TPD52: variants seen among roughly 807,000 people sequenced by gnomAD.
The protein encoded by TPD52 is tumor protein D52.
In TPD52, 17 loss-of-function variants were observed where a neutral mutation model predicts 31.3. That is an observed-to-expected ratio of 0.54 (90% CI 0.37 to 0.82). TPD52 has a LOEUF of 0.82. Among genes scored for constraint, TPD52 ranks in the 40% least tolerant of loss-of-function variants. The probability of loss-of-function intolerance (pLI) is 0.00; values close to 1 mark genes in which losing one functional copy is unlikely to be tolerated. For missense variants in TPD52, 212 were observed against 240.1 expected (o/e 0.88, Z 0.77); for synonymous variants, 83 against 89.6 (o/e 0.93, Z 0.42).
rs141963548 is a variant in TPD52, at chr8:80,049,818, T to C, written c.413+627A>G. On this transcript the variant is annotated intron_variant, in intron 5 of 7. Coordinates refer to ENST00000518937, the MANE Select transcript of TPD52 (RefSeq NM_001025253.3). ...TTTAGCTTAATATTCTTTTCCCTTT[T>C]TCAAACCATGAAGTTGCCTTGTGTA... Among the ~76,000 whole-genome samples the C allele has an allele frequency of 2.5e-3, 374 of 152,290 alleles. 7 individuals carry two copies. The highest frequency in any genetic ancestry group is 8.6e-3 in the African/African-American group (358 of 41,574).
chr8:80,168,835 G>T (rs574427585), intron 1 of TPD52, among the ~76,000 whole-genome samples: 1 of 152,346 alleles, frequency 6.6e-6, no homozygotes, highest in East Asian at 1.9e-4. Context: ...GGTTACTATG[G>T]CTGGGGCCTG....
chr8:80,092,462 G>A (rs1353632646), intron 1 of TPD52, among the ~76,000 whole-genome samples: 1 of 152,160 alleles, frequency 6.6e-6, no homozygotes, highest in Non-Finnish European at 1.5e-5. Context: ...AGATGTCAAG[G>A]ATATTTGCAC....
chr8:80,100,000 C>A (rs1416032051), intron 1 of TPD52, among the ~76,000 whole-genome samples: 1 of 152,206 alleles, frequency 6.6e-6, no homozygotes, highest in East Asian at 1.9e-4. Flanking sequence ...TAGTTCCTTT[C>A]TGTGGATTTC....
At chr8:80,065,448 A>G (rs778598519) in intron 1 of TPD52, among the ~76,000 whole-genome samples, 31 of 152,160 alleles carry the variant, frequency 2.0e-4, no homozygotes, top group Middle Eastern at 3.4e-3. Context: ...GGAGCCTGTC[A>G]GGAAGAACAA....
At chr8:80,163,808 G>A (rs1351894798) in intron 1 of TPD52, among the ~76,000 whole-genome samples, 2 of 151,952 alleles carry the variant, frequency 1.3e-5, no homozygotes, top group Admixed American at 6.6e-5. Flanking sequence ...AGGAGAGAAA[G>A]AGTTAAATAA....
intron 1 of TPD52, among the ~76,000 whole-genome samples, chr8:80,160,310 G>A (rs1439734119): frequency 6.6e-6 from 1 of 152,116 alleles, no homozygotes; most frequent in Admixed American, 6.5e-5. Context: ...TGGGGAAGTC[G>A]TGATCATTCA....
At chr8:80,164,028 G>A (rs1811544138) in intron 1 of TPD52, among the ~76,000 whole-genome samples, 1 of 138,214 alleles carries the variant, frequency 7.2e-6, no homozygotes, top group Non-Finnish European at 1.6e-5. Flanking sequence ...GAGAGACAGA[G>A]AGAGAGAGAG....
chr8:80,152,343 T>C (rs1334647203), intron 1 of TPD52, among the ~76,000 whole-genome samples: 2 of 152,184 alleles, frequency 1.3e-5, no homozygotes, highest in African/African-American at 2.4e-5. Context: ...CAAACTCGAA[T>C]GGCAGCACCA....
At chr8:80,095,759 C>T (rs1755874065) in intron 1 of TPD52, among the ~76,000 whole-genome samples, 1 of 152,092 alleles carries the variant, frequency 6.6e-6, no homozygotes, top group South Asian at 2.1e-4. Context: ...TCCTGGCCAA[C>T]ATGGTGAAAC....
intron 1 of TPD52, among the ~76,000 whole-genome samples, chr8:80,098,912 T>C (rs1806524495): frequency 6.6e-6 from 1 of 152,158 alleles, no homozygotes; most frequent in Admixed American, 6.5e-5. Flanking sequence ...CCATTCTCAT[T>C]GAGGCAAGAC....
At chr8:80,146,383 G>T (rs1434793854) in intron 1 of TPD52, among the ~76,000 whole-genome samples, 1 of 152,192 alleles carries the variant, frequency 6.6e-6, no homozygotes, top group Non-Finnish European at 1.5e-5. Context: ...AGAAAAACTG[G>T]CTAGCAGCCC....
intron 1 of TPD52, among the ~76,000 whole-genome samples, chr8:80,084,538 C>T (rs1815583365): frequency 6.6e-6 from 1 of 152,226 alleles, no homozygotes; most frequent in African/African-American, 2.4e-5. Flanking sequence ...GAAACAGAAA[C>T]AGACAGGTAA....
rs1811155505 is a variant in TPD52 at position 80,049,389 on chromosome 8, A to T, written c.413+1056T>A. Among the ~76,000 whole-genome samples the T allele has an allele frequency of 2.0e-5, 3 of 152,228 alleles. 1 individual carries two copies. In the South Asian group the frequency reaches 6.2e-4, roughly 31 times the overall value. On this transcript the variant is annotated intron_variant, in intron 5 of 7. Coordinates refer to ENST00000518937, the MANE Select transcript of TPD52 (RefSeq NM_001025253.3). Reference sequence around the variant, plus strand: ...CACTTTTTAACTGAATGCCAACGATACACAATCACCTATCATTGGTTACTT... The same window carrying T: ...CACTTTTTAACTGAATGCCAACGATTCACAATCACCTATCATTGGTTACTT...
intron 1 of TPD52, among the ~76,000 whole-genome samples, chr8:80,087,497 C>T (rs1815902063): frequency 6.6e-6 from 1 of 152,126 alleles, no homozygotes; most frequent in South Asian, 2.1e-4. Context: ...AAAAAACAAA[C>T]AAACAAAAAA....
At chr8:80,146,061 G>A (rs998520730) in intron 1 of TPD52, among the ~76,000 whole-genome samples, 3 of 152,178 alleles carry the variant, frequency 2.0e-5, no homozygotes, top group Non-Finnish European at 2.9e-5. Context: ...CACTTGCCCT[G>A]CCTACAGCCC....
intron 1 of TPD52, among the ~76,000 whole-genome samples, chr8:80,075,131 C>G (rs902001321): frequency 1.3e-5 from 2 of 152,116 alleles, no homozygotes; most frequent in Admixed American, 6.5e-5. Context: ...AGGCGCCCAC[C>G]ACCATACCTG....
rs922421855 is a variant in TPD52 at position 80,083,699 on chromosome 8, T to G, written c.20-19106A>C. 1.5e-4 allele frequency among the ~76,000 whole-genome samples: 23 copies of G among 152,264 alleles called. 1 individual carries two copies. Among genetic ancestry groups the G allele is most frequent in the Non-Finnish European group, 1.6e-4 (11 of 68,024 alleles). On this transcript the variant is annotated intron_variant, in intron 1 of 7. Coordinates refer to ENST00000518937, the MANE Select transcript of TPD52 (RefSeq NM_001025253.3). ...CCTTTTCCCTTTATAAATTACCCAGTCTCAGGTATTTCCCCATAGCAGTGT... is the reference window on the plus strand; with the variant it reads ...CCTTTTCCCTTTATAAATTACCCAGGCTCAGGTATTTCCCCATAGCAGTGT...
intron 1 of TPD52, among the ~76,000 whole-genome samples, chr8:80,153,256 T>C (rs887560707): frequency 1.3e-5 from 2 of 152,184 alleles, no homozygotes; most frequent in Non-Finnish European, 2.9e-5. Flanking sequence ...CTCCAGGAAC[T>C]GAAGGAAGTT....
At chr8:80,133,161 CT>C (rs2131094437) in intron 1 of TPD52, among the ~76,000 whole-genome samples, 1 of 152,318 alleles carries the variant, frequency 6.6e-6, no homozygotes, top group South Asian at 2.1e-4. Context: ...GCACATATAA[CT>C]CATATAGTTG....
Sources: gnomAD v4.1 joint callset for allele counts (sites outside exome capture counted in the v4.1 genomes callset) on GRCh38, gnomAD v4.1.1 for gene constraint, MANE v1.5 for transcripts, NCBI Gene and HGNC (gene_info 2026-07-23, HGNC 2026-07-21) for gene names.